PRICKLE1: variants seen among roughly 807,000 people sequenced by gnomAD.
PRICKLE1 encodes the protein prickle planar cell polarity protein 1.
In PRICKLE1, 14 loss-of-function variants were observed where a neutral mutation model predicts 70.2. The ratio of observed to expected loss-of-function variants is 0.20; its 90% CI spans 0.13 to 0.31. The LOEUF is 0.31. Ranked by LOEUF, PRICKLE1 falls within the 10% of genes least tolerant of loss-of-function variation. PRICKLE1 has a pLI of 1.00. For missense variants in PRICKLE1, 821 were observed against 1,026.2 expected (o/e 0.80, Z 2.73); for synonymous variants, 357 against 379.9 (o/e 0.94, Z 0.70).
At chr12:42,461,668 A>C (rs959613808) in intron 7 of PRICKLE1, among the ~76,000 whole-genome samples, 1 of 152,220 alleles carries the variant, frequency 6.6e-6, no homozygotes, top group African/African-American at 2.4e-5. Flanking sequence ...TTCCAGATTA[A>C]TCTTCTATTG....
intron 7 of PRICKLE1, among the ~76,000 whole-genome samples, chr12:42,461,244 A>G (rs1937820489): frequency 6.6e-6 from 1 of 152,232 alleles, no homozygotes; most frequent in South Asian, 2.1e-4. Context: ...GGCACATGGC[A>G]TGAGCAGCAA....
chr12:42,561,905 CTTTT>C (rs60450733), intron 1 of PRICKLE1, among the ~76,000 whole-genome samples: 1 of 87,244 alleles, frequency 1.1e-5, no homozygotes, highest in African/African-American at 4.3e-5. Context: ...TTTTTCTTTT[CTTTT>C]TTTTTTTTTT....
At chr12:42,568,401 C>G (rs1940656494) in intron 1 of PRICKLE1, among the ~76,000 whole-genome samples, 1 of 152,218 alleles carries the variant, frequency 6.6e-6, no homozygotes, top group South Asian at 2.1e-4. Flanking sequence ...GTCTCAAACT[C>G]CTGAGCTCAA....
At chr12:42,579,596 A>G (rs61641604) in intron 1 of PRICKLE1, among the ~76,000 whole-genome samples, 1 of 152,230 alleles carries the variant, frequency 6.6e-6, no homozygotes, top group Non-Finnish European at 1.5e-5. Context: ...AGAATTTTCC[A>G]TTCTGAGACC....
At chr12:42,530,839 A>G (rs1939900752) in intron 1 of PRICKLE1, among the ~76,000 whole-genome samples, 1 of 150,370 alleles carries the variant, frequency 6.7e-6, no homozygotes, top group Admixed American at 6.6e-5. Context: ...GGTGCCCGGC[A>G]CCTGTAAAAC....
At chr12:42,543,773 A>G (rs1412835677) in intron 1 of PRICKLE1, among the ~76,000 whole-genome samples, 3 of 152,076 alleles carry the variant, frequency 2.0e-5, no homozygotes, top group Non-Finnish European at 4.4e-5. Context: ...TGCCTGCCTC[A>G]GCCTCCCAAA....
At chr12:42,497,191 G>A (rs1403262047) in intron 1 of PRICKLE1, among the ~76,000 whole-genome samples, 2 of 152,178 alleles carry the variant, frequency 1.3e-5, no homozygotes, top group African/African-American at 4.8e-5. Context: ...GATAGGGAAA[G>A]CCAAGGAGGA....
rs115314469 is a variant in PRICKLE1 at position 42,475,177 on chromosome 12, A to C, written c.-48-2613T>G. On this transcript the variant is annotated intron_variant, in intron 1 of 7. Transcript: ENST00000345127. ...CACAAGTTCATTCCAGCCTTTCAACAAATTACACTGAGGATTGACTGTCAT... is the reference window on the plus strand; with the variant it reads ...CACAAGTTCATTCCAGCCTTTCAACCAATTACACTGAGGATTGACTGTCAT... 6.2e-3 allele frequency among the ~76,000 whole-genome samples: 945 copies of C among 152,352 alleles called. 9 individuals carry two copies. The highest frequency in any genetic ancestry group is 0.021 in the African/African-American group (892 of 41,570).
intron 1 of PRICKLE1, among the ~76,000 whole-genome samples, chr12:42,539,361 G>A (rs960256466): frequency 7.2e-5 from 11 of 151,830 alleles, no homozygotes; most frequent in African/African-American, 2.4e-4. Context: ...CCAGCTACTC[G>A]GGAGGCTGAG....
chr12:42,581,913 C>A (rs1269380499), intron 1 of PRICKLE1, among the ~76,000 whole-genome samples: 1 of 152,052 alleles, frequency 6.6e-6, no homozygotes, highest in Non-Finnish European at 1.5e-5. Context: ...AATCATAATT[C>A]CTATCAGTTT....
chr12:42,508,271 T>A (rs1939453430), intron 1 of PRICKLE1, among the ~76,000 whole-genome samples: 1 of 152,208 alleles, frequency 6.6e-6, no homozygotes, highest in Non-Finnish European at 1.5e-5. Context: ...AGGAGCTTTA[T>A]TATATCGGCA....
chr12:42,582,072 G>C (rs755732876), intron 1 of PRICKLE1, among the ~76,000 whole-genome samples: 18 of 152,128 alleles, frequency 1.2e-4, no homozygotes, highest in Non-Finnish European at 1.3e-4. Flanking sequence ...GAGAAAGCCT[G>C]GTCTGCTTTT....
At chr12:42,524,198 T>C (rs527390877) in intron 1 of PRICKLE1, among the ~76,000 whole-genome samples, 1 of 152,340 alleles carries the variant, frequency 6.6e-6, no homozygotes, top group Admixed American at 6.5e-5. Flanking sequence ...CAATCAAGGC[T>C]GTCTTGAAGC....
At chr12:42,568,801 T>A (rs1375096328) in intron 1 of PRICKLE1, among the ~76,000 whole-genome samples, 3 of 152,184 alleles carry the variant, frequency 2.0e-5, no homozygotes, top group Non-Finnish European at 4.4e-5. Flanking sequence ...ACAGTGAACA[T>A]TGTACTCAAT....
intron 1 of PRICKLE1, among the ~76,000 whole-genome samples, chr12:42,495,565 G>A (rs1274032937): frequency 6.6e-6 from 1 of 151,252 alleles, no homozygotes; most frequent in Non-Finnish European, 1.5e-5. Context: ...TGATATTTCT[G>A]CAGTTACATC....
chr12:42,493,307 T>C (rs1939137280), intron 1 of PRICKLE1, among the ~76,000 whole-genome samples: 1 of 152,186 alleles, frequency 6.6e-6, no homozygotes, highest in South Asian at 2.1e-4. Flanking sequence ...ACTGCAAACC[T>C]GTATCAAAAT....
chr12:42,482,072 A>T lies in PRICKLE1; in HGVS notation c.-48-9508T>A, dbSNP rs1938811889. On this transcript the variant is annotated intron_variant, in intron 1 of 7. Coordinates refer to ENST00000345127, the MANE Select transcript of PRICKLE1 (RefSeq NM_153026.3). ...TAGTATTTTCTGTATTTTCCAGGTA[A>T]ACCTCCGTCCAGCATTTTCGAGGTA... Among the ~76,000 whole-genome samples, 3 of 152,346 alleles carry T rather than the reference A, an allele frequency of 2.0e-5. No homozygotes were observed. In the South Asian group the frequency reaches 6.2e-4, roughly 32 times the overall value.
intron 1 of PRICKLE1, among the ~76,000 whole-genome samples, chr12:42,517,965 G>A (rs965275856): frequency 1.3e-5 from 2 of 151,604 alleles, no homozygotes; most frequent in Non-Finnish European, 2.9e-5. Flanking sequence ...TCTCTCCCAG[G>A]CCTGGGTTTA....
At chr12:42,546,962 G>C (rs1319736521) in intron 1 of PRICKLE1, among the ~76,000 whole-genome samples, 1 of 152,122 alleles carries the variant, frequency 6.6e-6, no homozygotes, top group Non-Finnish European at 1.5e-5. Context: ...ACTTGAACCA[G>C]CCATTCTTAT....
Sources: allele counts gnomAD v4.1 joint callset (sites outside exome capture counted in the v4.1 genomes callset), GRCh38; gene constraint gnomAD v4.1.1; transcripts MANE v1.5; gene names NCBI Gene and HGNC (gene_info 2026-07-23, HGNC 2026-07-21).